The following TTC23L variants were observed in gnomAD, a reference collection of about 807,000 sequenced individuals.
TTC23L encodes the protein tetratricopeptide repeat domain 23 like.
Under a neutral mutation model 48.1 loss-of-function variants are expected in TTC23L, and 42 were observed. That is an observed-to-expected ratio of 0.87 (90% CI 0.68 to 1.13). The LOEUF (loss-of-function observed/expected upper bound fraction) is 1.13. TTC23L is among the 50% of genes most tolerant of loss of function. The pLI, the probability that TTC23L is intolerant of heterozygous loss-of-function variation, is 0.00. For missense variants in TTC23L, 391 were observed against 421.0 expected, an observed-to-expected ratio of 0.93 and a Z score of 0.62; for synonymous variants, 159 against 157.2, an observed-to-expected ratio of 1.01 and a Z score of -0.09.
chr5:34,886,761 T>C (rs1173837082), intron 9 of TTC23L, among the ~76,000 whole-genome samples: 5 of 152,214 alleles, frequency 3.3e-5, no homozygotes, highest in African/African-American at 1.2e-4. Flanking sequence ...ACAAAAACTT[T>C]AGTTGAGTCC....
downstream of TTC23L, among the ~76,000 whole-genome samples, chr5:34,904,305 T>A (rs183891820): frequency 1.2e-3 from 179 of 150,934 alleles, no homozygotes; most frequent in African/African-American, 4.2e-3. Context: ...CAAAAAAGTT[T>A]ATGTAAACGG....
intron 9 of TTC23L, among the ~76,000 whole-genome samples, chr5:34,895,446 T>C (rs1763156136): frequency 1.3e-5 from 2 of 152,248 alleles, no homozygotes; most frequent in African/African-American, 2.4e-5. Context: ...TTACTGGATG[T>C]ATGAAAGCAT....
chr5:34,904,755 A>AG, the TTC23L span, among the ~76,000 whole-genome samples: 180 of 152,310 alleles, frequency 1.2e-3, no homozygotes, highest in African/African-American at 4.2e-3. Context: ...CACGGCAACC[A>AG]AAATCCTTGG....
intron 4 of TTC23L, chr5:34,860,656 T>G (rs1056816779): frequency 2.6e-5 from 4 of 152,188 alleles, no homozygotes; most frequent in African/African-American, 9.7e-5. Flanking sequence ...ATTTTTCTCT[T>G]TAGTTGAAAC....
At chr5:34,850,685 C>A (rs911749095) in intron 4 of TTC23L, among the ~76,000 whole-genome samples, 1 of 152,104 alleles carries the variant, frequency 6.6e-6, no homozygotes, top group Admixed American at 6.5e-5. Context: ...GATGTACACT[C>A]AGCATCAGGG....
intron 4 of TTC23L, among the ~76,000 whole-genome samples, chr5:34,859,751 A>G (rs949361525): frequency 6.6e-6 from 1 of 152,064 alleles, no homozygotes; most frequent in African/African-American, 2.4e-5. Context: ...TACCTGACAT[A>G]CAAATTAAGA....
chr5:34,925,242 G>C, the TTC23L span: 2 of 1,568,854 alleles, frequency 1.3e-6, no homozygotes, highest in Non-Finnish European at 1.7e-6. Flanking sequence ...CGTGTCATAA[G>C]ATCCATCACA....
rs537452214 is a variant in TTC23L at position 34,893,194 on chromosome 5, A to G, written c.1078-3576A>G. On this transcript the variant is annotated intron_variant, in intron 9 of 10. Transcript: ENST00000505624. Reference sequence around the variant, plus strand: ...GGACCAGTCAGATGTGAGGTTTAATAGAGGCAGGAATCAAAGGTAACTTTG... The same window carrying G: ...GGACCAGTCAGATGTGAGGTTTAATGGAGGCAGGAATCAAAGGTAACTTTG... Among the ~76,000 whole-genome samples the G allele has an allele frequency of 1.4e-4, 22 of 152,338 alleles. No individual in the cohort carries two copies. The South Asian group carries it at 4.1e-3, about 29-fold the overall frequency.
chr5:34,889,851 T>A (rs1313272930), intron 9 of TTC23L, among the ~76,000 whole-genome samples: 2 of 152,024 alleles, frequency 1.3e-5, no homozygotes, highest in East Asian at 3.9e-4. Flanking sequence ...TTTGTTTTTG[T>A]TTTTTTGAGA....
At chr5:34,897,105 G>A (rs1372323841) in intron 10 of TTC23L, among the ~76,000 whole-genome samples, 1 of 152,086 alleles carries the variant, frequency 6.6e-6, no homozygotes. Flanking sequence ...AAAACCTTCG[G>A]CTGGGTGCTG....
At chr5:34,913,524 T>G in the TTC23L span, 1 of 1,605,012 alleles carries the variant, frequency 6.2e-7, no homozygotes, top group East Asian at 2.2e-5. Flanking sequence ...ACAGTTAAAT[T>G]AATTCGAAAA....
the TTC23L span, chr5:34,913,994 G>A: frequency 2.2e-6 from 1 of 456,764 alleles, no homozygotes; most frequent in Non-Finnish European, 4.4e-6. Flanking sequence ...CTGAGCAGCT[G>A]GAAATACAGG....
At chr5:34,854,890 A>ATC (rs1759994854) in intron 4 of TTC23L, among the ~76,000 whole-genome samples, 2 of 152,244 alleles carry the variant, frequency 1.3e-5, no homozygotes, top group Non-Finnish European at 1.5e-5. Flanking sequence ...AGTGTAAGGT[A>ATC]AATGCCATGT....
chr5:34,923,123 T>C, the TTC23L span: 2 of 1,609,796 alleles, frequency 1.2e-6, no homozygotes, highest in Non-Finnish European at 1.7e-6. Flanking sequence ...ACATACACTT[T>C]TTTAACTAGA....
At chr5:34,914,343 G>A in the TTC23L span, 3 of 295,478 alleles carry the variant, frequency 1.0e-5, no homozygotes, top group Non-Finnish European at 2.0e-5. Flanking sequence ...TATATAAAAC[G>A]GGAATAATAA....
At chr5:34,839,575 G>C in intron 1 of TTC23L, 2 of 943,736 alleles carry the variant, frequency 2.1e-6, no homozygotes, top group Non-Finnish European at 2.5e-6. Context: ...TGTGGGCATA[G>C]TGTTTAAAGT....
At chr5:34,882,676 A>G (rs867646346) in intron 9 of TTC23L, among the ~76,000 whole-genome samples, 3 of 147,184 alleles carry the variant, frequency 2.0e-5, no homozygotes, top group African/African-American at 7.4e-5. Context: ...TTTGATAAGT[A>G]GTTTAATCTG....
At chr5:34,924,902 T>C in the TTC23L span, 9 of 1,611,058 alleles carry the variant, frequency 5.6e-6, no homozygotes, top group Non-Finnish European at 7.6e-6. Context: ...GTCTTAAATC[T>C]CATAAAGATT....
downstream of TTC23L, chr5:34,902,504 C>T: frequency 9.0e-6 from 2 of 222,902 alleles, no homozygotes; most frequent in Non-Finnish European, 2.0e-5. Flanking sequence ...TCAACGCACT[C>T]AGTGCTTACA....
Sources: gnomAD v4.1 joint callset for allele counts (sites outside exome capture counted in the v4.1 genomes callset) on GRCh38, gnomAD v4.1.1 for gene constraint, MANE v1.5 for transcripts, NCBI Gene and HGNC (gene_info 2026-07-23, HGNC 2026-07-21) for gene names.